SFSWAP: variants seen among roughly 807,000 people sequenced by gnomAD.
SFSWAP encodes the protein splicing factor, suppressor of white-apricot homolog.
In SFSWAP, 17 loss-of-function variants were observed where a neutral mutation model predicts 100.7. The ratio of observed to expected loss-of-function variants is 0.17; its 90% CI spans 0.12 to 0.25. The LOEUF is 0.25. Ranked by LOEUF, SFSWAP falls within the 10% of genes least tolerant of loss-of-function variation. The pLI, the probability that SFSWAP is intolerant of heterozygous loss-of-function variation, is 1.00. For synonymous variants in SFSWAP, 504 were observed against 510.1 expected (o/e 0.99, Z 0.16); for missense variants, 1,005 against 1,262.6 (o/e 0.80, Z 3.09).
At chr12:131,739,255 G>T (rs1026899719) in intron 7 of SFSWAP, among the ~76,000 whole-genome samples, 1 of 152,110 alleles carries the variant, frequency 6.6e-6, no homozygotes, top group African/African-American at 2.4e-5. Flanking sequence ...AAACAGCTAG[G>T]TCAAAGAGTA....
chr12:131,785,462 C>G (rs1300687678), intron 14 of SFSWAP: 12 of 430,902 alleles, frequency 2.8e-5, no homozygotes, highest in Non-Finnish European at 5.0e-5. Context: ...AACCGCTCTT[C>G]TTTATATTGT....
At chr12:131,752,975 A>T in intron 7 of SFSWAP, 148 bp from the exon 8 acceptor site, 2 of 1,218,986 alleles carry the variant, frequency 1.6e-6, no homozygotes, top group Middle Eastern at 4.4e-4. Flanking sequence ...AACTTTTTGT[A>T]TCAGAAAAAT....
intron 7 of SFSWAP, among the ~76,000 whole-genome samples, chr12:131,747,833 G>C (rs750178322): frequency 6.6e-6 from 1 of 152,236 alleles, no homozygotes; most frequent in East Asian, 1.9e-4. Flanking sequence ...ATGTTGAGTA[G>C]GTGGTTAATG....
chr12:131,778,223 A>G lies in SFSWAP; in HGVS notation c.2301A>G (p.Thr767=), dbSNP rs1194581819. ...AAAAGCACAAAAAAAGATCTCGAAC[A>G]AGATCACGTTCTCCCAAGTACCATT... ...KKKKHKKRSR[T]RSRSPKYHSS... The change falls in exon 14 of 18, where the codon ACA becomes ACG. Residue 767 remains threonine (T), a synonymous_variant. Transcript: ENST00000261674. The surrounding 1 kb of genome is among the most constrained non-coding windows in gnomAD (Gnocchi z 4.2). 2.5e-6 allele frequency: 4 copies of G among 1,614,100 alleles called. No individual in the cohort carries two copies. In the African/African-American group the frequency reaches 4.0e-5, roughly 16 times the overall value.
intron 7 of SFSWAP, among the ~76,000 whole-genome samples, chr12:131,738,926 C>A (rs1009636930): frequency 1.1e-5 from 1 of 90,032 alleles, no homozygotes; most frequent in African/African-American, 3.5e-5. Flanking sequence ...GGGTCTCTCG[C>A]TCTGTCACCT....
chr12:131,731,320 C>T (rs1334499396), intron 7 of SFSWAP, among the ~76,000 whole-genome samples: 2 of 152,234 alleles, frequency 1.3e-5, no homozygotes, highest in African/African-American at 4.8e-5. Flanking sequence ...ACACGCACCT[C>T]CCTGCCTGCC....
chr12:131,742,423 T>G (rs557394037), intron 7 of SFSWAP, among the ~76,000 whole-genome samples: 1 of 152,330 alleles, frequency 6.6e-6, no homozygotes, highest in East Asian at 1.9e-4. Flanking sequence ...AGGCTTTTTT[T>G]TTTCTAGAGG....
rs1878906414 is a variant in SFSWAP at position 131,725,737 on chromosome 12, A to G, written c.832+107A>G. 8.6e-6 allele frequency: 7 copies of G among 811,222 alleles called. No homozygotes were observed. Among genetic ancestry groups the G allele is most frequent in the Admixed American group, 2.2e-5 (1 of 46,414 alleles). The allele number at this position is 811,222 out of a possible 1,614,324, so 50.3% of individuals were successfully genotyped here. A position where few individuals can be genotyped will look rare whatever the true frequency, so the allele number is the denominator to read the frequency against. ...TGAAGATACACATTCTTACAGATGC[A>G]TGGTTGAAAGCCAGACTCGAATTTC... On this transcript the variant is annotated intron_variant, in intron 5 of 17. Transcript: ENST00000261674. This position sits in a 1 kb window ranked among gnomAD's most constrained non-coding sequence, Gnocchi z 4.3.
intron 14 of SFSWAP, among the ~76,000 whole-genome samples, chr12:131,780,052 C>T (rs988257831): frequency 9.2e-5 from 14 of 152,230 alleles, no homozygotes; most frequent in African/African-American, 3.4e-4. Context: ...TCCCACAGTG[C>T]TGGGGTTACA....
At chr12:131,752,359 G>A (rs572231252) in intron 7 of SFSWAP, among the ~76,000 whole-genome samples, 1 of 152,342 alleles carries the variant, frequency 6.6e-6, no homozygotes, top group Admixed American at 6.5e-5. Context: ...AATCTTCTGT[G>A]ATTCGTGGTT....
chr12:131,753,130 G>T lies in SFSWAP; in HGVS notation c.1089G>T (p.Val363=), dbSNP rs1348554175. Residue 363 remains valine, a synonymous_variant, in exon 8 of 18, where the codon GTG becomes GTT. Coordinates refer to ENST00000261674, the MANE Select transcript of SFSWAP (RefSeq NM_004592.4). The part of the protein sequence containing the change: ...SQVEYTADST[V]AAMYYSYYML... ...GGCAATGTGTCTCCACAGCGACCGTGGCAGCCATGTATTACAGCTACTACA... is the reference window on the plus strand; with the variant it reads ...GGCAATGTGTCTCCACAGCGACCGTTGCAGCCATGTATTACAGCTACTACA... 3 of 1,614,148 alleles carry T rather than the reference G, an allele frequency of 1.9e-6. No individual in the cohort carries two copies. Among genetic ancestry groups the T allele is most frequent in the Admixed American group, 1.7e-5 (1 of 60,018 alleles).
At chr12:131,746,914 C>A (rs1458705025) in intron 7 of SFSWAP, among the ~76,000 whole-genome samples, 1 of 152,096 alleles carries the variant, frequency 6.6e-6, no homozygotes, top group Non-Finnish European at 1.5e-5. Context: ...ACCATCCTGG[C>A]TAACACGGTG....
intron 9 of SFSWAP, 118 bp downstream of exon 9, chr12:131,754,617 G>A (rs1027050784): frequency 2.6e-6 from 1 of 391,402 alleles, no homozygotes; most frequent in Non-Finnish European, 4.1e-6. Context: ...CCTTTTCTTG[G>A]CTCAAATGTC....
intron 14 of SFSWAP, among the ~76,000 whole-genome samples, chr12:131,783,297 AT>A (rs1884634268): frequency 6.6e-6 from 1 of 152,120 alleles, no homozygotes; most frequent in Non-Finnish European, 1.5e-5. Context: ...CATGTAGTTC[AT>A]TTACAACCTG....
intron 16 of SFSWAP, among the ~76,000 whole-genome samples, chr12:131,798,341 G>T (rs1885823210): frequency 6.6e-6 from 1 of 152,142 alleles, no homozygotes; most frequent in Non-Finnish European, 1.5e-5. Flanking sequence ...ATCAGTGTAG[G>T]AGGCTGAGCA....
At position 131,733,399 on chromosome 12, in the gene SFSWAP, C is replaced by T. The variant is rs548263486; in HGVS notation, c.1081+4971C>T. Among the ~76,000 whole-genome samples the T allele has an allele frequency of 6.6e-6, 1 of 152,272 alleles. No individual in the cohort carries two copies. Among genetic ancestry groups the T allele is most frequent in the East Asian group, 1.9e-4 (1 of 5,166 alleles). Reference sequence around the variant, plus strand: ...TGCAGTCCAGCTTTGCAGGGAGCGGCAGTTTGTCATTTGTAGGAGGAAATT... The same window carrying T: ...TGCAGTCCAGCTTTGCAGGGAGCGGTAGTTTGTCATTTGTAGGAGGAAATT... On this transcript the variant is annotated intron_variant, in intron 7 of 17. Coordinates refer to ENST00000261674, the MANE Select transcript of SFSWAP (RefSeq NM_004592.4). The surrounding 1 kb of genome is among the most constrained non-coding windows in gnomAD (Gnocchi z 5.1).
At chr12:131,743,073 C>G (rs964351585) in intron 7 of SFSWAP, among the ~76,000 whole-genome samples, 2 of 152,184 alleles carry the variant, frequency 1.3e-5, no homozygotes, top group Admixed American at 6.5e-5. Flanking sequence ...TCAGTCACCT[C>G]CCACCAGGTT....
Position 131,711,155 on chromosome 12 carries a change from G to T in SFSWAP, c.-75G>T. On this transcript the variant is annotated 5_prime_UTR_variant, in exon 1 of 18. Transcript: ENST00000261674. This position sits in a 1 kb window ranked among gnomAD's most constrained non-coding sequence, Gnocchi z 4.9. ...CGGGATGCGGGGTCTTTGACTGAAG[G>T]GGTAGGCCAAGTGGAGGTATCAGGG... 8.2e-7 allele frequency: 1 copy of T among 1,226,506 alleles called. No homozygotes were observed. 76.0% of individuals were successfully genotyped at this position (1,226,506 alleles called of 1,614,324 possible). A position where few individuals can be genotyped will look rare whatever the true frequency, so the allele number is the denominator to read the frequency against.
intron 7 of SFSWAP, among the ~76,000 whole-genome samples, chr12:131,745,241 C>A (rs1024798148): frequency 1.3e-5 from 2 of 152,136 alleles, no homozygotes; most frequent in Non-Finnish European, 2.9e-5. Context: ...CATTTTTATT[C>A]TTGCAATATG....
Sources: allele counts gnomAD v4.1 joint callset (sites outside exome capture counted in the v4.1 genomes callset), GRCh38; gene constraint gnomAD v4.1.1; non-coding constraint Gnocchi (gnomAD v3.1); transcripts MANE v1.5; gene names NCBI Gene and HGNC (gene_info 2026-07-23, HGNC 2026-07-21).